SGSM2: variants seen among roughly 807,000 people sequenced by gnomAD.
SGSM2 encodes RUN and TBC1 domain containing 1.
SGSM2 carries 89 observed loss-of-function variants against 126.6 expected under a neutral mutation model. That is an observed-to-expected ratio of 0.70 (90% CI 0.59 to 0.84). The LOEUF is 0.84. Among genes scored for constraint, SGSM2 ranks in the 40% least tolerant of loss-of-function variants. The pLI is 0.00. For missense variants in SGSM2, 1,404 were observed against 1,416.6 expected (o/e 0.99, Z 0.14); for synonymous variants, 614 against 574.3 (o/e 1.07, Z -0.99).
chr17:2,380,914 T>G lies in SGSM2; in HGVS notation c.*1394T>G, dbSNP rs1290191920. 6.4e-6 allele frequency: 1 copy of G among 156,508 alleles called. No homozygotes were observed. Among genetic ancestry groups the G allele is most frequent in the Admixed American group, 6.4e-5 (1 of 15,628 alleles). 9.7% of individuals were successfully genotyped at this position (156,508 alleles called of 1,614,324 possible). ...GTCCATCCTTGTTGTCCGTGAGTCC[T>G]TGGCCTCCACCAAGCACGTGTGGCC... On this transcript the variant is annotated 3_prime_UTR_variant, in exon 24 of 24. Coordinates refer to ENST00000268989, the MANE Select transcript of SGSM2 (RefSeq NM_014853.3).
chr17:2,365,892 C>T (rs1264088860), intron 11 of SGSM2, among the ~76,000 whole-genome samples: 1 of 152,004 alleles, frequency 6.6e-6, no homozygotes, highest in Admixed American at 6.6e-5. Flanking sequence ...ATTACAGGCG[C>T]ACACCTCCAT....
rs537708596 is a variant in SGSM2, at chr17:2,353,300, C to T, written c.134-8337C>T. 5.9e-5 allele frequency among the ~76,000 whole-genome samples: 9 copies of T among 152,190 alleles called. No individual in the cohort carries two copies. In the South Asian group the frequency reaches 8.3e-4, roughly 14 times the overall value. On this transcript the variant is annotated intron_variant, in intron 2 of 23. Transcript: ENST00000268989. ...GGAGGTGAAACGAGATGCCCACGGG[C>T]GACCCAGCCTTCCTGGGTTTTGTGA...
chr17:2,376,936 G>A (rs1318725962), intron 20 of SGSM2, 23 bp from the exon 21 acceptor site: 1 of 1,607,882 alleles, frequency 6.2e-7, no homozygotes, highest in Non-Finnish European at 8.5e-7. Context: ...TGCCCTGCCA[G>A]CTTCACTCCT....
intron 17 of SGSM2, 35 bp downstream of exon 17, chr17:2,373,548 C>T (rs781056795): frequency 1.9e-5 from 30 of 1,564,668 alleles, no homozygotes; most frequent in Admixed American, 7.1e-5. Context: ...TTGGGGGTCT[C>T]GGGGGCCACC....
chr17:2,372,988 C>G lies in SGSM2; in HGVS notation c.1824C>G (p.Tyr608Ter), dbSNP rs2065947586. 1 of 1,584,274 alleles carries G rather than the reference C, an allele frequency of 6.3e-7. No homozygotes were observed. Among genetic ancestry groups the G allele is most frequent in the Non-Finnish European group, 8.6e-7 (1 of 1,164,726 alleles). ...YKELELLRQVYYGGIEHEIRK... is the reference protein window; with the variant it reads ...YKELELLRQV Reference sequence around the variant, plus strand: ...AGCTGGAGCTGCTGCGGCAAGTTTACTACGGAGGCATAGAGCACGAGATCC... The same window carrying G: ...AGCTGGAGCTGCTGCGGCAAGTTTAGTACGGAGGCATAGAGCACGAGATCC... The change falls in exon 16 of 24, where the codon TAC (tyrosine) becomes TAG (stop). Residue 608 changes from tyrosine (Y) to a stop codon, truncating the protein, a stop_gained. Transcript: ENST00000268989. LOFTEE classifies it high-confidence loss of function. This position sits in a 1 kb window ranked among gnomAD's most constrained non-coding sequence, Gnocchi z 6.0.
In SGSM2 at chr17:2,364,616, T is replaced by A. The variant is rs2065469423; in HGVS notation, c.953T>A (p.Leu318His). 1 of 1,614,214 alleles carries A rather than the reference T, an allele frequency of 6.2e-7. No individual in the cohort carries two copies. Among genetic ancestry groups the A allele is most frequent in the Non-Finnish European group, 8.5e-7 (1 of 1,180,018 alleles). ...TCTAGCGTTTACTGGGACTATGCCCTCGTGGTGCCCTTCAGCCAGGTCGTG... is the reference window on the plus strand; with the variant it reads ...TCTAGCGTTTACTGGGACTATGCCCACGTGGTGCCCTTCAGCCAGGTCGTG... The part of the protein sequence containing the change: ...LEKSVYWDYA[L>H]VVPFSQVVCI... Residue 318 changes from leucine to histidine, a missense_variant, in exon 9 of 24, where the codon CTC becomes CAC. Transcript: ENST00000268989.
intron 2 of SGSM2, among the ~76,000 whole-genome samples, chr17:2,345,929 C>G (rs928293008): frequency 6.6e-6 from 1 of 152,178 alleles, no homozygotes; most frequent in Non-Finnish European, 1.5e-5. Context: ...GCCTGCAAAG[C>G]AGCTTCCTTG....
Position 2,362,998 on chromosome 17 carries a change from G to C in SGSM2, c.536G>C (p.Cys179Ser), listed in dbSNP as rs1485184802. The change falls in exon 6 of 24, where the codon TGT (cysteine) becomes TCT (serine). Residue 179 changes from cysteine (C) to serine (S), a missense_variant. Physicochemically the swap from Cys to Ser is moderately radical, Grantham distance 112 (BLOSUM62 -1). Coordinates refer to ENST00000268989, the MANE Select transcript of SGSM2 (RefSeq NM_014853.3). The surrounding 1 kb of genome is among the most constrained non-coding windows in gnomAD (Gnocchi z 4.9). ...PILASLLVGPCALEYTKLKTA... is the reference protein window; with the variant it reads ...PILASLLVGPSALEYTKLKTA... ...GTCTCTGTCTCCACAGTGGGACCCT[G>C]TGCCTTGGAATACACTAAGCTCAAG... 1 of 1,614,094 alleles carries C rather than the reference G, an allele frequency of 6.2e-7. No homozygotes were observed. The highest frequency in any genetic ancestry group is 1.7e-5 in the Admixed American group (1 of 60,030).
rs772252139 is a variant in SGSM2, at chr17:2,363,599, G to A, written c.807G>A (p.Pro269=). 6.8e-6 allele frequency: 11 copies of A among 1,612,534 alleles called. No individual in the cohort carries two copies. Among genetic ancestry groups the A allele is most frequent in the Admixed American group, 1.7e-5 (1 of 59,984 alleles). ...LYGKNHVLVQ[P]KEDMEAVPGY... ...GCAAGAACCACGTGCTGGTGCAGCC[G>A]GTAGGAAAGCTTCATCCTGCCATCC... Residue 269 remains proline (P), a splice_region_variant and synonymous_variant, in exon 7 of 24, where the codon CCG becomes CCA. Transcript: ENST00000268989. This position sits in a 1 kb window ranked among gnomAD's most constrained non-coding sequence, Gnocchi z 4.2.
rs1231864971 is a variant in SGSM2, at chr17:2,373,234, C to G, written c.1918-97C>G. ...CCTTACCCTGAGGCCCGTCTTGAGT[C>G]TGAGACTCAGGACCCAAGGTCCAGT... On this transcript the variant is annotated intron_variant, in intron 16 of 23. Transcript: ENST00000268989. The G allele has an allele frequency of 1.9e-6, 3 of 1,542,976 alleles. No homozygotes were observed. The East Asian group carries it at 6.8e-5, about 35-fold the overall frequency.
chr17:2,339,541 G>A (rs1450800080), intron 1 of SGSM2, among the ~76,000 whole-genome samples: 3 of 151,816 alleles, frequency 2.0e-5, no homozygotes, highest in African/African-American at 4.8e-5. Context: ...TGGCTAACAC[G>A]GTGAAACCTC....
chr17:2,369,133 G>A (rs1023721155), intron 12 of SGSM2, among the ~76,000 whole-genome samples: 4 of 152,204 alleles, frequency 2.6e-5, no homozygotes, highest in South Asian at 2.1e-4. Context: ...ATCAGCAGGC[G>A]GTTGGGGAGA....
At chr17:2,340,808 T>C (rs898176975) in intron 1 of SGSM2, among the ~76,000 whole-genome samples, 25 of 152,112 alleles carry the variant, frequency 1.6e-4, no homozygotes, top group Non-Finnish European at 2.4e-4. Flanking sequence ...ATGGTCTCGA[T>C]CTCCTGACCT....
chr17:2,361,672 C>G lies in SGSM2; in HGVS notation c.169C>G (p.Arg57Gly). The change falls in exon 3 of 24, where the codon CGC becomes GGC. Residue 57 changes from arginine (R) to glycine (G), a missense_variant. Arg to Gly is a moderately radical substitution (Grantham distance 125). Transcript: ENST00000268989. ...VEACLLHQLR[R>G]RAAGFLRSDK... is the part of the protein sequence containing the mutation. ...GGCTTGCCTCTTGCATCAGCTGAGA[C>G]GCCGTGCCGCTGGCTTCCTGCGCAG... is the stretch of plus-strand genomic sequence containing the variant. The G allele has an allele frequency of 6.2e-7, 1 of 1,613,970 alleles. No homozygotes were observed. The highest frequency in any genetic ancestry group is 8.5e-7 in the Non-Finnish European group (1 of 1,180,010).
intron 23 of SGSM2, 63 bp downstream of exon 23, chr17:2,379,266 C>T: frequency 6.3e-7 from 1 of 1,588,564 alleles, no homozygotes; most frequent in East Asian, 2.2e-5. Context: ...CCACCTCTGC[C>T]CCGCACACAG....
rs1431244581 is a variant in SGSM2, at chr17:2,380,011, C to G, written c.*491C>G. On this transcript the variant is annotated 3_prime_UTR_variant, in exon 24 of 24. Transcript: ENST00000268989. ...GCCCCAGCTGGAGCAACCAAAACTG[C>G]TTCTGGTTTAGGCACACGTCACGGG... The G allele has an allele frequency of 5.7e-6, 8 of 1,393,600 alleles. No homozygotes were observed. Among genetic ancestry groups the G allele is most frequent in the Non-Finnish European group, 7.4e-6 (8 of 1,076,926 alleles). The allele number at this position is 1,393,600 out of a possible 1,614,324, so 86.3% of individuals were successfully genotyped here.
At position 2,372,056 on chromosome 17, in the gene SGSM2, TG is replaced by T; in HGVS notation, c.1578-131del. On this transcript the variant is annotated intron_variant, in intron 13 of 23. Coordinates refer to ENST00000268989, the MANE Select transcript of SGSM2 (RefSeq NM_014853.3). The surrounding 1 kb of genome is among the most constrained non-coding windows in gnomAD (Gnocchi z 6.0). ...GGACAGGGCACCCACTGACGGCTGCTGGGCTGCGGCTCCTCCTCCTCGCACC... is the reference window on the plus strand; with the variant it reads ...GGACAGGGCACCCACTGACGGCTGCTGGCTGCGGCTCCTCCTCCTCGCACC... 9.6e-7 allele frequency: 1 copy of T among 1,045,462 alleles called. No homozygotes were observed. The highest frequency in any genetic ancestry group is 1.6e-5 in the African/African-American group (1 of 63,808). The allele number at this position is 1,045,462 out of a possible 1,614,324, so 64.8% of individuals were successfully genotyped here. A position where few individuals can be genotyped will look rare whatever the true frequency, so the allele number is the denominator to read the frequency against.
rs1324377908 is a variant in SGSM2 at position 2,363,352 on chromosome 17, G to A, written c.673-113G>A. On this transcript the variant is annotated intron_variant, in intron 6 of 23. Coordinates refer to ENST00000268989, the MANE Select transcript of SGSM2 (RefSeq NM_014853.3). This position sits in a 1 kb window ranked among gnomAD's most constrained non-coding sequence, Gnocchi z 4.2. ...AGAGGGTGGCTGGGAGTAAACCGGG[G>A]CAGGAAGGACCCCTGGGGTCAGCTG... is the stretch of plus-strand genomic sequence containing the variant. The A allele has an allele frequency of 5.3e-6, 8 of 1,516,930 alleles. No individual in the cohort carries two copies. The highest frequency in any genetic ancestry group is 4.5e-4 in the Middle Eastern group (2 of 4,432). 94.0% of individuals were successfully genotyped at this position (1,516,930 alleles called of 1,614,324 possible).
chr17:2,378,753 C>T (rs1263356031), intron 22 of SGSM2, among the ~76,000 whole-genome samples: 1 of 152,146 alleles, frequency 6.6e-6, no homozygotes, highest in African/African-American at 2.4e-5. Context: ...GCAGAAATTA[C>T]CCAAGAAAAG....
Sources: gnomAD v4.1 joint callset for allele counts (sites outside exome capture counted in the v4.1 genomes callset) on GRCh38, gnomAD v4.1.1 for gene constraint, Gnocchi (gnomAD v3.1) non-coding constraint, MANE v1.5 for transcripts, NCBI Gene and HGNC (gene_info 2026-07-23, HGNC 2026-07-21) for gene names.